LY6S: variants seen among roughly 807,000 people sequenced by gnomAD.
The protein encoded by LY6S is lymphocyte antigen 6S.
At chr8:143,056,648 A>G in the LY6S span, among the ~76,000 whole-genome samples, 1 of 152,142 alleles carries the variant, frequency 6.6e-6, no homozygotes, top group Non-Finnish European at 1.5e-5. Flanking sequence ...TTTTTTTTGG[A>G]ATGAATCTAT....
the LY6S span, among the ~76,000 whole-genome samples, chr8:143,073,731 G>A: frequency 6.0e-4 from 83 of 138,738 alleles, 6 homozygotes; most frequent in South Asian, 0.014. Flanking sequence ...GGAGACAGCC[G>A]TCGTCCTCGG....
the LY6S span, among the ~76,000 whole-genome samples, chr8:143,058,771 C>A: frequency 1.3e-5 from 2 of 152,218 alleles, no homozygotes; most frequent in Non-Finnish European, 2.9e-5. Flanking sequence ...TACCGCTAGA[C>A]CTCGGTCCGC....
At chr8:143,065,953 C>G in the LY6S span, 1 of 304,498 alleles carries the variant, frequency 3.3e-6, no homozygotes, top group South Asian at 3.5e-5. Flanking sequence ...GCAGCACCCA[C>G]AGGTCTAAAT....
the LY6S span, among the ~76,000 whole-genome samples, chr8:143,042,069 G>A: frequency 6.0e-5 from 2 of 33,174 alleles, no homozygotes; most frequent in Admixed American, 3.8e-4. Context: ...TGAGACGGCC[G>A]TCCACCCAGG....
chr8:143,073,262 T>TTCCTGTTTGAGGAGACAGCCGTCGTCCC, the LY6S span, among the ~76,000 whole-genome samples: 1 of 95,996 alleles, frequency 1.0e-5, no homozygotes. Flanking sequence ...GCTGTCGTCC[T>TTCCTGTTTGAGGAGACAGCCGTCGTCCC]CGGGGTCCCT....
At chr8:143,055,640 A>C in the LY6S span, among the ~76,000 whole-genome samples, 1 of 152,224 alleles carries the variant, frequency 6.6e-6, no homozygotes, top group Non-Finnish European at 1.5e-5. Flanking sequence ...TACCTGGAAA[A>C]AAACGGACCA....
chr8:143,058,046 G>T, the LY6S span, among the ~76,000 whole-genome samples: 2 of 152,172 alleles, frequency 1.3e-5, no homozygotes, highest in African/African-American at 4.8e-5. Context: ...GTTCATTAAC[G>T]TCAGTGCAAT....
chr8:143,073,437 GT>G, the LY6S span, among the ~76,000 whole-genome samples: 2 of 129,860 alleles, frequency 1.5e-5, no homozygotes, highest in African/African-American at 6.1e-5. Context: ...CGTCCTCGGG[GT>G]TCCTGTTTGA....
the LY6S span, among the ~76,000 whole-genome samples, chr8:143,060,931 G>A: frequency 2.0e-5 from 3 of 151,918 alleles, no homozygotes; most frequent in African/African-American, 4.8e-5. Flanking sequence ...AAGAAAATAC[G>A]AGAAATATTT....
chr8:143,070,448 A>C, the LY6S span, among the ~76,000 whole-genome samples: 27 of 77,742 alleles, frequency 3.5e-4, 3 homozygotes, highest in Non-Finnish European at 4.7e-4. Flanking sequence ...TATATATTGT[A>C]TATATATATA....
At chr8:143,075,507 G>T in the LY6S span, among the ~76,000 whole-genome samples, 1 of 152,086 alleles carries the variant, frequency 6.6e-6, no homozygotes, top group Non-Finnish European at 1.5e-5. This position sits in a 1 kb window ranked among gnomAD's most constrained non-coding sequence, Gnocchi z 4.1. Flanking sequence ...GGTTCAAGAC[G>T]AGCCTGGGCA....
chr8:143,050,250 G>C, the LY6S span, among the ~76,000 whole-genome samples: 3 of 145,510 alleles, frequency 2.1e-5, no homozygotes, highest in Non-Finnish European at 4.5e-5. Flanking sequence ...GTGTGATCTC[G>C]ACTCACTGCA....
At chr8:143,057,861 G>A in the LY6S span, 2,301 of 686,750 alleles carry the variant, frequency 3.4e-3, 18 homozygotes, top group East Asian at 0.023. Context: ...CTGGGGGCCT[G>A]TGTCGGGTGC....
At chr8:143,046,045 G>A in the LY6S span, among the ~76,000 whole-genome samples, 1 of 152,006 alleles carries the variant, frequency 6.6e-6, no homozygotes, top group African/African-American at 2.4e-5. Flanking sequence ...TAGAGATGGG[G>A]TTTCACCATG....
At chr8:143,051,157 G>C in the LY6S span, among the ~76,000 whole-genome samples, 6 of 152,204 alleles carry the variant, frequency 3.9e-5, no homozygotes, top group African/African-American at 1.4e-4. Flanking sequence ...GAAATGCAAG[G>C]GCTGACAGGA....
chr8:143,069,971 C>A, the LY6S span, among the ~76,000 whole-genome samples: 1 of 152,116 alleles, frequency 6.6e-6, no homozygotes, highest in Admixed American at 6.6e-5. Flanking sequence ...CACTAGTCAG[C>A]TCCTGCCGCC....
the LY6S span, among the ~76,000 whole-genome samples, chr8:143,040,904 G>A: frequency 2.0e-5 from 3 of 152,196 alleles, no homozygotes; most frequent in Non-Finnish European, 1.5e-5. Context: ...TGCCCCCTGA[G>A]CCGTAAAACC....
the LY6S span, among the ~76,000 whole-genome samples, chr8:143,046,144 C>T: frequency 0.019 from 2,859 of 152,278 alleles, 90 homozygotes; most frequent in African/African-American, 0.067. Flanking sequence ...TCAGCTACCA[C>T]GCCCAGCCCA....
chr8:143,072,324 A>AG, the LY6S span, among the ~76,000 whole-genome samples: 1 of 39,544 alleles, frequency 2.5e-5, no homozygotes, highest in Non-Finnish European at 4.5e-5. Context: ...GGCTCCTGTT[A>AG]GAGAAGACAG....
Sources: allele counts gnomAD v4.1 joint callset (sites outside exome capture counted in the v4.1 genomes callset), GRCh38; gene constraint gnomAD v4.1.1; non-coding constraint Gnocchi (gnomAD v3.1); transcripts MANE v1.5; gene names NCBI Gene and HGNC (gene_info 2026-07-23, HGNC 2026-07-21).